Variants in RBMS3 observed in about 807,000 individuals in gnomAD.
RBMS3 encodes RNA-binding motif, single-stranded-interacting protein 3.
A neutral mutation model predicts 66.8 loss-of-function variants in RBMS3; 27 were observed. The ratio of observed to expected loss-of-function variants is 0.40; its 90% confidence interval spans 0.30 to 0.56. The LOEUF (loss-of-function observed/expected upper bound fraction) is 0.56, where lower values mean the gene tolerates loss of function less well. Among genes scored for constraint, RBMS3 ranks in the 20% least tolerant of loss-of-function variants. RBMS3 has a pLI of 0.40. For missense variants in RBMS3, 513 were observed against 549.5 expected (o/e 0.93, Z 0.66); for synonymous variants, 188 against 183.0 (o/e 1.03, Z -0.22).
At chr3:29,625,974 A>G (rs1180972792) in intron 4 of RBMS3, among the ~76,000 whole-genome samples, 1 of 152,190 alleles carries the variant, frequency 6.6e-6, no homozygotes, top group Non-Finnish European at 1.5e-5. Flanking sequence ...GGAAAAGAAC[A>G]GTTCCAGAAT....
intron 1 of RBMS3, among the ~76,000 whole-genome samples, chr3:29,351,702 T>A (rs1388065507): frequency 2.0e-5 from 3 of 152,078 alleles, no homozygotes; most frequent in African/African-American, 7.2e-5. Flanking sequence ...ATTTTTGCCA[T>A]ATAGAAGTTT....
intron 14 of RBMS3, among the ~76,000 whole-genome samples, chr3:30,002,642 G>A (rs890138262): frequency 4.0e-5 from 6 of 151,814 alleles, no homozygotes; most frequent in African/African-American, 1.5e-4. Context: ...TATATTTTTA[G>A]GGACTTAACC....
At chr3:29,957,758 G>A (rs574929200) in intron 12 of RBMS3, among the ~76,000 whole-genome samples, 1 of 152,216 alleles carries the variant, frequency 6.6e-6, no homozygotes, top group Non-Finnish European at 1.5e-5. Context: ...ATTCCCCAGT[G>A]TCACCTTGTA....
At chr3:29,930,001 G>A (rs996413095) in intron 10 of RBMS3, among the ~76,000 whole-genome samples, 6 of 151,556 alleles carry the variant, frequency 4.0e-5, no homozygotes, top group Non-Finnish European at 8.8e-5. Context: ...TATGGAATTT[G>A]GGAAATTGGT....
chr3:29,810,278 T>C (rs2057693164), intron 6 of RBMS3, among the ~76,000 whole-genome samples: 1 of 152,090 alleles, frequency 6.6e-6, no homozygotes, highest in Non-Finnish European at 1.5e-5. Context: ...ATTCTCTACA[T>C]CTCCAGTTAT....
intron 6 of RBMS3, among the ~76,000 whole-genome samples, chr3:29,814,362 G>A (rs2057815625): frequency 6.6e-6 from 1 of 152,190 alleles, no homozygotes; most frequent in Non-Finnish European, 1.5e-5. Context: ...GCCTTTTGAT[G>A]TGCTGCTGGA....
chr3:29,985,256 G>A (rs1698296516), intron 12 of RBMS3, among the ~76,000 whole-genome samples: 1 of 152,204 alleles, frequency 6.6e-6, no homozygotes, highest in African/African-American at 2.4e-5. Flanking sequence ...ATCCCAAGTG[G>A]ACTTCAGACT....
At chr3:29,524,661 C>G (rs956143968) in intron 3 of RBMS3, among the ~76,000 whole-genome samples, 6 of 150,748 alleles carry the variant, frequency 4.0e-5, no homozygotes, top group Admixed American at 3.3e-4. Context: ...CCAGGCTGGT[C>G]TTGAACTCCT....
At chr3:29,764,546 TTA>T in intron 6 of RBMS3, among the ~76,000 whole-genome samples, 1 of 152,118 alleles carries the variant, frequency 6.6e-6, no homozygotes, top group Middle Eastern at 3.4e-3. Context: ...AATTATATAA[TTA>T]TATAAAAATA....
At chr3:29,984,126 T>C (rs1698200617) in intron 12 of RBMS3, among the ~76,000 whole-genome samples, 1 of 152,156 alleles carries the variant, frequency 6.6e-6, no homozygotes, top group Non-Finnish European at 1.5e-5. Flanking sequence ...TTCTTTTTTC[T>C]CTAATCTTGT....
intron 1 of RBMS3, among the ~76,000 whole-genome samples, chr3:29,298,786 G>A (rs1368220587): frequency 1.3e-5 from 2 of 151,860 alleles, no homozygotes; most frequent in African/African-American, 4.8e-5. Context: ...AGATCTTCTA[G>A]TCCAGTACTG....
intron 12 of RBMS3, among the ~76,000 whole-genome samples, chr3:29,985,969 G>T (rs1433160630): frequency 5.9e-5 from 9 of 152,194 alleles, no homozygotes; most frequent in African/African-American, 2.2e-4. Context: ...TCTTAGAGAT[G>T]TAGAGAGTGG....
intron 3 of RBMS3, among the ~76,000 whole-genome samples, chr3:29,569,538 C>A (rs750764033): frequency 6.6e-6 from 1 of 152,052 alleles, no homozygotes; most frequent in Non-Finnish European, 1.5e-5. Context: ...CAAATTTTGT[C>A]TCATAAGATT....
At chr3:29,489,329 T>G (rs1043006416) in intron 3 of RBMS3, among the ~76,000 whole-genome samples, 4 of 152,040 alleles carry the variant, frequency 2.6e-5, no homozygotes, top group African/African-American at 9.7e-5. Context: ...TATATGTATC[T>G]CCTCACCTAC....
rs143213095 is a variant in RBMS3 at position 29,805,922 on chromosome 3, A to G, written c.637+42933A>G. On this transcript the variant is annotated intron_variant, in intron 6 of 14. Transcript: ENST00000383767. The stretch of plus-strand genomic sequence containing the variant: ...ACATTCACTCACCACGCACTCACTG[A>G]CTAACCTGGAACAACTTTCAGTTTT... Among the ~76,000 whole-genome samples the G allele has an allele frequency of 2.6e-3, 391 of 152,124 alleles. 1 individual carries two copies. Among genetic ancestry groups the G allele is most frequent in the African/African-American group, 9.0e-3 (374 of 41,566 alleles).
At chr3:29,599,525 A>G (rs1436301406) in intron 4 of RBMS3, among the ~76,000 whole-genome samples, 2 of 152,148 alleles carry the variant, frequency 1.3e-5, no homozygotes, top group Non-Finnish European at 2.9e-5. Context: ...AAGCAGATAC[A>G]TAAACTAAAG....
intron 12 of RBMS3, among the ~76,000 whole-genome samples, chr3:29,967,693 T>C (rs2149751747): frequency 6.6e-6 from 1 of 152,342 alleles, no homozygotes; most frequent in African/African-American, 2.4e-5. Context: ...TGATTTAAGC[T>C]AGGAGGGTTG....
At chr3:29,404,900 A>G (rs1210358364) in intron 1 of RBMS3, among the ~76,000 whole-genome samples, 2 of 152,170 alleles carry the variant, frequency 1.3e-5, no homozygotes, top group African/African-American at 4.8e-5. Context: ...CAAATAATAT[A>G]GTCTTGCATA....
At chr3:29,844,204 T>C (rs1394747738) in intron 6 of RBMS3, among the ~76,000 whole-genome samples, 3 of 152,196 alleles carry the variant, frequency 2.0e-5, no homozygotes, top group Non-Finnish European at 4.4e-5. Flanking sequence ...CTGAACATTT[T>C]TACTGAGGTG....
Sources: allele counts gnomAD v4.1 joint callset (sites outside exome capture counted in the v4.1 genomes callset), GRCh38; gene constraint gnomAD v4.1.1; transcripts MANE v1.5; gene names NCBI Gene and HGNC (gene_info 2026-07-23, HGNC 2026-07-21).